Variants in IKBKB-DT observed in about 807,000 individuals in gnomAD.
The protein encoded by IKBKB-DT is IKBKB antisense RNA.
chr8:42,270,768 T>G (rs1360739659), exon 1 of IKBKB-DT: 1 of 152,634 alleles, frequency 6.6e-6, no homozygotes, highest in Admixed American at 6.5e-5. Flanking sequence ...CACGGTTTCC[T>G]CATGTCACCG....
chr8:42,262,540 C>T (rs928594236), intron 3 of IKBKB-DT, among the ~76,000 whole-genome samples: 5 of 151,676 alleles, frequency 3.3e-5, no homozygotes, highest in Non-Finnish European at 5.9e-5. Flanking sequence ...CCTGGGTTCA[C>T]GCCATTCTCC....
intron 3 of IKBKB-DT, among the ~76,000 whole-genome samples, chr8:42,253,681 T>A (rs778969340): frequency 5.9e-5 from 9 of 152,192 alleles, no homozygotes; most frequent in Non-Finnish European, 1.3e-4. Flanking sequence ...GAAATAGCAC[T>A]TGAACATAAA....
chr8:42,250,664 G>T (rs914602489), intron 3 of IKBKB-DT, among the ~76,000 whole-genome samples: 1 of 152,176 alleles, frequency 6.6e-6, no homozygotes, highest in African/African-American at 2.4e-5. Flanking sequence ...GGCAGGGAAC[G>T]GTGGTGATGG....
intron 3 of IKBKB-DT, among the ~76,000 whole-genome samples, chr8:42,241,281 A>G (rs1393133423): frequency 1.9e-5 from 2 of 104,554 alleles, no homozygotes; most frequent in Non-Finnish European, 3.5e-5. Context: ...AGGAAGGGCC[A>G]GTTGAAAATC....
chr8:42,255,215 C>T (rs1421632511), intron 3 of IKBKB-DT: 1 of 152,246 alleles, frequency 6.6e-6, no homozygotes, highest in Non-Finnish European at 1.5e-5. Flanking sequence ...TACAACCTTC[C>T]AAGTGTGACG....
At chr8:42,239,592 A>C (rs1806971356) in intron 3 of IKBKB-DT, among the ~76,000 whole-genome samples, 1 of 124,738 alleles carries the variant, frequency 8.0e-6, no homozygotes, top group Admixed American at 8.3e-5. Flanking sequence ...AAATGAGCCA[A>C]CCAATTTTTG....
chr8:42,233,727 T>C (rs749500793), exon 4 of IKBKB-DT: 1 of 152,116 alleles, frequency 6.6e-6, no homozygotes, highest in Non-Finnish European at 1.5e-5. Flanking sequence ...CTCCCAGCAG[T>C]CGGGAGCAGA....
intron 2 of IKBKB-DT, among the ~76,000 whole-genome samples, chr8:42,265,232 A>G (rs556165192): frequency 1.3e-5 from 2 of 152,314 alleles, no homozygotes; most frequent in Admixed American, 6.5e-5. Context: ...CCTAGACTCA[A>G]GTGATCCTCT....
intron 3 of IKBKB-DT, among the ~76,000 whole-genome samples, chr8:42,255,023 G>A (rs929987527): frequency 7.3e-5 from 11 of 151,620 alleles, no homozygotes; most frequent in African/African-American, 1.9e-4. Context: ...TCTGGGATGT[G>A]AGGAGCGCGT....
intron 1 of IKBKB-DT, among the ~76,000 whole-genome samples, chr8:42,267,032 G>C (rs536920913): frequency 2.9e-5 from 4 of 136,322 alleles, no homozygotes; most frequent in Non-Finnish European, 4.6e-5. Flanking sequence ...GTGGAGTCTC[G>C]CTCTGTCGCC....
At chr8:42,240,072 C>T (rs567272717) in intron 3 of IKBKB-DT, among the ~76,000 whole-genome samples, 5 of 152,178 alleles carry the variant, frequency 3.3e-5, no homozygotes, top group East Asian at 3.9e-4. Context: ...GTCATTTGCA[C>T]GTTAACAGAA....
intron 1 of IKBKB-DT, among the ~76,000 whole-genome samples, chr8:42,269,449 G>GGGAGC (rs1807454198): frequency 1.0e-4 from 1 of 9,554 alleles, no homozygotes; most frequent in African/African-American, 4.2e-4. Flanking sequence ...GCGAGGGGAG[G>GGGAGC]GGAGGGGAGG....
chr8:42,243,716 T>C (rs1420867236), intron 3 of IKBKB-DT, among the ~76,000 whole-genome samples: 2 of 152,270 alleles, frequency 1.3e-5, no homozygotes, highest in East Asian at 3.9e-4. Flanking sequence ...AGGAACCCAG[T>C]TTGTAACCGG....
intron 1 of IKBKB-DT, among the ~76,000 whole-genome samples, chr8:42,267,325 C>T (rs1184212352): frequency 6.6e-6 from 1 of 152,124 alleles, no homozygotes; most frequent in Non-Finnish European, 1.5e-5. Context: ...CTTGCTTTCA[C>T]TTTACTGACT....
intron 3 of IKBKB-DT, among the ~76,000 whole-genome samples, chr8:42,241,556 C>T (rs548494997): frequency 6.6e-6 from 1 of 152,184 alleles, no homozygotes; most frequent in African/African-American, 2.4e-5. Context: ...CAGCAAGAAC[C>T]AGGAAGATCT....
chr8:42,238,101 T>C (rs1373352050), intron 3 of IKBKB-DT, among the ~76,000 whole-genome samples: 1 of 144,240 alleles, frequency 6.9e-6, no homozygotes, highest in Non-Finnish European at 1.5e-5. Context: ...CACAACTCAG[T>C]ATCAGTAAAG....
chr8:42,261,178 T>A (rs1807283406), intron 3 of IKBKB-DT, among the ~76,000 whole-genome samples: 1 of 151,934 alleles, frequency 6.6e-6, no homozygotes. Context: ...AATACAAATA[T>A]TAGCTGGATG....
chr8:42,235,281 A>G (rs1364901596), intron 3 of IKBKB-DT, among the ~76,000 whole-genome samples: 4 of 143,064 alleles, frequency 2.8e-5, no homozygotes, highest in African/African-American at 8.0e-5. Context: ...CTCAGCTCAC[A>G]GCAACCTCTG....
intron 3 of IKBKB-DT, among the ~76,000 whole-genome samples, chr8:42,251,828 C>CAAAAAAAAAAAAAAAAAA (rs59420104): frequency 4.4e-5 from 4 of 91,452 alleles, no homozygotes; most frequent in Admixed American, 1.2e-4. Flanking sequence ...GACTCCATCT[C>CAAAAAAAAAAAAAAAAAA]AAAAAAAAAA....
Sources: gnomAD v4.1 joint callset for allele counts (sites outside exome capture counted in the v4.1 genomes callset) on GRCh38, gnomAD v4.1.1 for gene constraint, MANE v1.5 for transcripts, NCBI Gene and HGNC (gene_info 2026-07-23, HGNC 2026-07-21) for gene names.